Variants in DRD3 observed in about 807,000 individuals in gnomAD.
DRD3 encodes D(3) dopamine receptor.
In DRD3, 19 loss-of-function variants were observed where a neutral mutation model predicts 36.3. That is an observed-to-expected ratio of 0.52 (90% CI 0.36 to 0.77). DRD3 has a LOEUF of 0.77. DRD3 is among the 30% of genes least tolerant of loss of function. DRD3 has a pLI of 0.00. For missense variants in DRD3, 465 were observed against 505.3 expected (o/e 0.92, Z 0.77); for synonymous variants, 195 against 203.7 (o/e 0.96, Z 0.36).
chr3:114,149,957 C>G (rs1236908537), intron 3 of DRD3, among the ~76,000 whole-genome samples: 2 of 152,198 alleles, frequency 1.3e-5, no homozygotes, highest in African/African-American at 2.4e-5. Flanking sequence ...GAGAAGAGAA[C>G]CTACCTACAC....
At chr3:114,154,110 G>A (rs2077643212) in intron 3 of DRD3, among the ~76,000 whole-genome samples, 2 of 152,138 alleles carry the variant, frequency 1.3e-5, no homozygotes, top group African/African-American at 4.8e-5. Flanking sequence ...CCACACCTGT[G>A]CTAAGAGGCT....
At chr3:114,142,892 T>C (rs7629948) in intron 4 of DRD3, among the ~76,000 whole-genome samples, 10,465 of 152,272 alleles carry the variant, frequency 0.069, 729 homozygotes, top group African/African-American at 0.18. Context: ...TTGCAGCCTC[T>C]TCCAGAATGT....
rs1163850426 is a variant in DRD3 at position 114,178,700 on chromosome 3, CT to C, written c.-80del. The stretch of plus-strand genomic sequence containing the variant: ...TTTCTGGAGACCGAGGAGTTTACCA[CT>C]TCGGCTCCTGCAGCCATTTACTGAC... On this transcript the variant is annotated 5_prime_UTR_variant, in exon 1 of 7. The change abolishes the stop of an existing upstream ORF in the 5' untranslated region. Coordinates refer to ENST00000383673, the MANE Select transcript of DRD3 (RefSeq NM_000796.6). The C allele has an allele frequency of 2.6e-5, 4 of 152,208 alleles. No homozygotes were observed. The highest frequency in any genetic ancestry group is 9.6e-5 in the African/African-American group (4 of 41,454). The allele number at this position is 152,208 out of a possible 1,614,324, so 9.4% of individuals were successfully genotyped here. A position where few individuals can be genotyped will look rare whatever the true frequency, so the allele number is the denominator to read the frequency against.
At chr3:114,154,385 A>T (rs2077646409) in intron 3 of DRD3, among the ~76,000 whole-genome samples, 2 of 151,852 alleles carry the variant, frequency 1.3e-5, no homozygotes, top group Non-Finnish European at 2.9e-5. Context: ...CTCTTTAGGA[A>T]GCTAGCAGTC....
chr3:114,150,905 C>A (rs112658863), intron 3 of DRD3, among the ~76,000 whole-genome samples: 2 of 152,306 alleles, frequency 1.3e-5, no homozygotes, highest in African/African-American at 4.8e-5. Context: ...GGGCAGATTA[C>A]AGTTAGCTGT....
intron 1 of DRD3, among the ~76,000 whole-genome samples, chr3:114,196,450 G>C (rs1384278127): frequency 6.6e-6 from 1 of 152,122 alleles, no homozygotes. Flanking sequence ...TAGTAGCTGG[G>C]ACCACATGCT....
intron 3 of DRD3, among the ~76,000 whole-genome samples, chr3:114,150,488 C>T (rs3773679): frequency 0.3 from 45,876 of 152,166 alleles, 7,945 homozygotes; most frequent in Non-Finnish European, 0.4. Context: ...ATCAAATCTT[C>T]TTACAACCTT....
intron 4 of DRD3, among the ~76,000 whole-genome samples, chr3:114,144,834 G>A (rs1039184339): frequency 2.6e-5 from 4 of 152,182 alleles, no homozygotes; most frequent in Non-Finnish European, 5.9e-5. Flanking sequence ...CGAGAGAGAA[G>A]TGAGAGCGCA....
At chr3:114,129,176 C>T (rs1369842089) in intron 6 of DRD3, among the ~76,000 whole-genome samples, 3 of 151,970 alleles carry the variant, frequency 2.0e-5, no homozygotes, top group Non-Finnish European at 2.9e-5. Flanking sequence ...AACCCTATGT[C>T]TACTAAAAAT....
At chr3:114,145,302 A>C (rs1378586117) in intron 4 of DRD3, among the ~76,000 whole-genome samples, 1 of 152,256 alleles carries the variant, frequency 6.6e-6, no homozygotes, top group Non-Finnish European at 1.5e-5. Context: ...GCATTCACGA[A>C]AAATGATATT....
intron 1 of DRD3, 64 bp from the exon 2 acceptor site, chr3:114,172,091 C>T: frequency 8.0e-7 from 1 of 1,247,716 alleles, no homozygotes; most frequent in Non-Finnish European, 1.0e-6. Context: ...TGCTTAGTTA[C>T]ATTTTTTTAT....
At chr3:114,166,288 C>A (rs11706283) in intron 2 of DRD3, among the ~76,000 whole-genome samples, 11 of 152,138 alleles carry the variant, frequency 7.2e-5, no homozygotes, top group African/African-American at 2.4e-4. Context: ...ACCCGGCCAA[C>A]AGTTTGTATT....
rs1379848929 is a variant in DRD3 at position 114,172,003 on chromosome 3, G to T, written c.-11C>A. The stretch of plus-strand genomic sequence containing the variant: ...GCTCAGAGATGCCATAGCCCAGAGG[G>T]AGGTGCGTGATGCCAAGGGGCTTCC... On this transcript the variant is annotated 5_prime_UTR_variant, in exon 2 of 7. Coordinates refer to ENST00000383673, the MANE Select transcript of DRD3 (RefSeq NM_000796.6). 4 of 1,428,976 alleles carry T rather than the reference G, an allele frequency of 2.8e-6. No homozygotes were observed. Among genetic ancestry groups the T allele is most frequent in the African/African-American group, 1.5e-5 (1 of 68,914 alleles). The allele number at this position is 1,428,976 out of a possible 1,614,324, so 88.5% of individuals were successfully genotyped here.
chr3:114,190,439 TATATATATATATATATATATATA>T (rs1352931577), intron 1 of DRD3, among the ~76,000 whole-genome samples: 164 of 10,852 alleles, frequency 0.015, 1 homozygote, highest in African/African-American at 0.053. Flanking sequence ...TATATATATA[TATATATATATATATATATATATA>T]TTTTTTTTTT....
At chr3:114,154,329 G>GTGTGTGTGTGTGTGTGTA (rs578105954) in intron 3 of DRD3, among the ~76,000 whole-genome samples, 3 of 147,904 alleles carry the variant, frequency 2.0e-5, no homozygotes, top group East Asian at 3.9e-4. Flanking sequence ...TGGGAGATGT[G>GTGTGTGTGTGTGTGTGTA]TGTGTGTGTG....
intron 4 of DRD3, among the ~76,000 whole-genome samples, chr3:114,145,496 T>G (rs1283193802): frequency 6.6e-6 from 1 of 152,178 alleles, no homozygotes; most frequent in African/African-American, 2.4e-5. Flanking sequence ...CAGGCAAATA[T>G]TTGTTGATAA....
chr3:114,160,434 C>T (rs1044080903), intron 2 of DRD3, among the ~76,000 whole-genome samples: 4 of 152,106 alleles, frequency 2.6e-5, no homozygotes, highest in African/African-American at 7.2e-5. Context: ...TTTAAATAAA[C>T]ACTCCTATAC....
intron 1 of DRD3, among the ~76,000 whole-genome samples, chr3:114,192,668 G>A (rs989138473): frequency 6.6e-6 from 1 of 152,026 alleles, no homozygotes; most frequent in East Asian, 1.9e-4. Context: ...GATGTTCATC[G>A]AGCTTCCAAT....
intron 1 of DRD3, among the ~76,000 whole-genome samples, chr3:114,187,008 A>G (rs1474674279): frequency 6.6e-6 from 1 of 152,212 alleles, no homozygotes; most frequent in Non-Finnish European, 1.5e-5. Context: ...CTAGAGGCTC[A>G]AAAGTTGCCT....
Sources: allele counts gnomAD v4.1 joint callset (sites outside exome capture counted in the v4.1 genomes callset), GRCh38; gene constraint gnomAD v4.1.1; transcripts MANE v1.5; gene names NCBI Gene and HGNC (gene_info 2026-07-23, HGNC 2026-07-21).